The following TRAF3IP1 variants were observed in gnomAD, a reference collection of about 807,000 sequenced individuals.
The protein encoded by TRAF3IP1 is intraflagellar transport 54.
A neutral mutation model predicts 89.9 loss-of-function variants in TRAF3IP1; 53 were observed. The observed-to-expected ratio is 0.59, with a 90% CI of 0.47 to 0.74. TRAF3IP1 has a LOEUF of 0.74. Among genes scored for constraint, TRAF3IP1 ranks in the 30% least tolerant of loss-of-function variants. The probability of loss-of-function intolerance (pLI) is 0.00; values close to 1 mark genes in which losing one functional copy is unlikely to be tolerated. For missense variants in TRAF3IP1, 806 were observed against 866.1 expected (o/e 0.93, Z 0.87); for synonymous variants, 311 against 322.1 (o/e 0.97, Z 0.37).
intron 1 of TRAF3IP1, among the ~76,000 whole-genome samples, chr2:238,323,439 A>G (rs557199880): frequency 6.6e-6 from 1 of 152,328 alleles, no homozygotes; most frequent in African/African-American, 2.4e-5. Context: ...CAAAATGAAA[A>G]TGTTCCAGGA....
intron 15 of TRAF3IP1, among the ~76,000 whole-genome samples, chr2:238,371,884 T>C (rs766587447): frequency 2.2e-4 from 34 of 152,274 alleles, no homozygotes; most frequent in Non-Finnish European, 2.9e-4. Context: ...ATTACGTATA[T>C]GGCTTGCATA....
intron 15 of TRAF3IP1, among the ~76,000 whole-genome samples, chr2:238,390,135 G>A (rs1283430705): frequency 6.6e-6 from 1 of 152,170 alleles, no homozygotes; most frequent in Non-Finnish European, 1.5e-5. Flanking sequence ...AGGCAGGAGG[G>A]GACAAGAGGG....
chr2:238,351,597 T>A lies in TRAF3IP1; in HGVS notation c.1452-1230T>A, dbSNP rs1699154846. On this transcript the variant is annotated intron_variant, in intron 12 of 16. Transcript: ENST00000373327. The surrounding 1 kb of genome is among the most constrained non-coding windows in gnomAD (Gnocchi z 5.2). ...TGGATCGTGGGCCACAGTGAGGGTGTGCTGGGAGCGTGAGAGACGAGGGAC... is the reference window on the plus strand; with the variant it reads ...TGGATCGTGGGCCACAGTGAGGGTGAGCTGGGAGCGTGAGAGACGAGGGAC... Among the ~76,000 whole-genome samples the A allele has an allele frequency of 6.6e-6, 1 of 152,040 alleles. No homozygotes were observed. Among genetic ancestry groups the A allele is most frequent in the South Asian group, 2.1e-4 (1 of 4,812 alleles).
intron 15 of TRAF3IP1, among the ~76,000 whole-genome samples, chr2:238,373,520 G>A (rs540741108): frequency 8.5e-5 from 13 of 152,284 alleles, no homozygotes; most frequent in African/African-American, 3.1e-4. Context: ...GTACCATGCT[G>A]TTTTGGTTAC....
At chr2:238,335,423 C>A (rs903105993) in intron 7 of TRAF3IP1, among the ~76,000 whole-genome samples, 1 of 152,064 alleles carries the variant, frequency 6.6e-6, no homozygotes, top group Admixed American at 6.6e-5. Context: ...GTCTGGGTTA[C>A]GGGCTTTTTT....
intron 8 of TRAF3IP1, among the ~76,000 whole-genome samples, chr2:238,343,000 A>G (rs1368236237): frequency 3.3e-5 from 5 of 152,066 alleles, no homozygotes; most frequent in African/African-American, 9.7e-5. Context: ...TTCTTTTTAG[A>G]GTGGTAGGTC....
At position 238,385,993 on chromosome 2, in the gene TRAF3IP1, A is replaced by G. The variant is rs558408781; in HGVS notation, c.1690-11466A>G. 2.6e-5 allele frequency among the ~76,000 whole-genome samples: 4 copies of G among 152,366 alleles called. No individual in the cohort carries two copies. In the East Asian group the frequency reaches 7.7e-4, roughly 29 times the overall value. The stretch of plus-strand genomic sequence containing the variant: ...AATATAGAGACAAATCTTGAAATTT[A>G]AAACATTTTATTCGGGAAGAAAGAA... On this transcript the variant is annotated intron_variant, in intron 15 of 16. Transcript: ENST00000373327.
At position 238,351,880 on chromosome 2, in the gene TRAF3IP1, T is replaced by C. The variant is rs535645108; in HGVS notation, c.1452-947T>C. 7.2e-4 allele frequency among the ~76,000 whole-genome samples: 106 copies of C among 146,694 alleles called. No individual in the cohort carries two copies. In the East Asian group the frequency reaches 9.6e-3, roughly 13 times the overall value. ...GTGTGTGTGTGTGCGCGCGCGCGCG[T>C]GTGCGTGCATGTGCTTGTGTGTATG... is the stretch of plus-strand genomic sequence containing the variant. On this transcript the variant is annotated intron_variant, in intron 12 of 16. Coordinates refer to ENST00000373327, the MANE Select transcript of TRAF3IP1 (RefSeq NM_015650.4). The surrounding 1 kb of genome is among the most constrained non-coding windows in gnomAD (Gnocchi z 5.2).
Position 238,329,105 on chromosome 2 carries a change from A to G in TRAF3IP1, c.678A>G (p.Pro226=), listed in dbSNP as rs1198529589. The G allele has an allele frequency of 6.4e-7, 1 of 1,550,834 alleles. No individual in the cohort carries two copies. The highest frequency in any genetic ancestry group is 8.7e-7 in the Non-Finnish European group (1 of 1,146,834). The change falls in exon 5 of 17, where the codon CCA becomes CCG. Residue 226 remains proline, a synonymous_variant. Transcript: ENST00000373327. The part of the protein sequence containing the change: ...ERERAKARAR[P]DNERQKDRGN... ...AGAGAGCCAAAGCCCGGGCCAGGCC[A>G]GACAACGAGCGACAGAAAGACAGAG...
At chr2:238,325,717 C>T (rs1697791518) in intron 2 of TRAF3IP1, 92 bp from the exon 3 acceptor site, 1 of 1,286,842 alleles carries the variant, frequency 7.8e-7, no homozygotes, top group Admixed American at 2.4e-5. Context: ...TGTATGTAAA[C>T]AGAAACTATC....
intron 1 of TRAF3IP1, among the ~76,000 whole-genome samples, chr2:238,324,257 G>A (rs544340390): frequency 1.3e-5 from 2 of 152,076 alleles, no homozygotes; most frequent in South Asian, 4.2e-4. Context: ...TAGTAGAGAC[G>A]GGGTTTCACC....
At chr2:238,331,471 C>G (rs950515416) in intron 5 of TRAF3IP1, among the ~76,000 whole-genome samples, 1 of 152,078 alleles carries the variant, frequency 6.6e-6, no homozygotes, top group Non-Finnish European at 1.5e-5. Context: ...AGCGAGACTC[C>G]GTCTCAAACA....
At chr2:238,347,419 C>T (rs1698944268) in intron 9 of TRAF3IP1, 36 bp from the exon 10 acceptor site, 1 of 1,613,348 alleles carries the variant, frequency 6.2e-7, no homozygotes, top group Non-Finnish European at 8.5e-7. Flanking sequence ...AGGTTGACTA[C>T]ACGAAAGCTA....
At chr2:238,397,703 G>A (rs1574985361) in intron 16 of TRAF3IP1, 24 bp downstream of exon 16, 1 of 1,351,978 alleles carries the variant, frequency 7.4e-7, no homozygotes, top group Non-Finnish European at 1.0e-6. Context: ...ATGGGGAGGG[G>A]GCCCTGCAGC....
At chr2:238,384,353 T>G (rs1021290037) in intron 15 of TRAF3IP1, among the ~76,000 whole-genome samples, 2 of 125,302 alleles carry the variant, frequency 1.6e-5, no homozygotes, top group African/African-American at 5.9e-5. Context: ...TGTATGTATG[T>G]ATGTATGTAT....
Position 238,363,744 on chromosome 2 carries a change from G to C in TRAF3IP1, c.1689+7664G>C, listed in dbSNP as rs564668423. On this transcript the variant is annotated intron_variant, in intron 15 of 16. Coordinates refer to ENST00000373327, the MANE Select transcript of TRAF3IP1 (RefSeq NM_015650.4). ...TGGGAGGCCAAGGTGGGCGGATCAC[G>C]AGGTCAGGAGTTCAAGACTAGCCTG... Among the ~76,000 whole-genome samples the C allele has an allele frequency of 2.4e-3, 371 of 152,204 alleles. 1 individual carries two copies. Among genetic ancestry groups the C allele is most frequent in the Admixed American group, 6.3e-3 (96 of 15,290 alleles).
At chr2:238,370,917 G>A (rs1170732854) in intron 15 of TRAF3IP1, among the ~76,000 whole-genome samples, 1 of 152,200 alleles carries the variant, frequency 6.6e-6, no homozygotes, top group East Asian at 1.9e-4. Flanking sequence ...TTTTCATGCT[G>A]TAGCCTCTGG....
At chr2:238,392,658 G>T (rs936245481) in intron 15 of TRAF3IP1, among the ~76,000 whole-genome samples, 7 of 151,250 alleles carry the variant, frequency 4.6e-5, no homozygotes, top group Admixed American at 1.3e-4. Flanking sequence ...CTGCAACCTC[G>T]CCCCCCCACC....
intron 15 of TRAF3IP1, among the ~76,000 whole-genome samples, chr2:238,364,493 A>G (rs1253284643): frequency 6.6e-6 from 1 of 151,716 alleles, no homozygotes; most frequent in Non-Finnish European, 1.5e-5. Flanking sequence ...TAGGCTTTCT[A>G]AAGGTTTATA....
Sources: gnomAD v4.1 joint callset for allele counts (sites outside exome capture counted in the v4.1 genomes callset) on GRCh38, gnomAD v4.1.1 for gene constraint, Gnocchi (gnomAD v3.1) non-coding constraint, MANE v1.5 for transcripts, NCBI Gene and HGNC (gene_info 2026-07-23, HGNC 2026-07-21) for gene names.